Variants in CTNNA2 observed in about 807,000 individuals in gnomAD.
CTNNA2 encodes the protein catenin alpha 2, also known as catenin alpha-2.
In CTNNA2, 42 loss-of-function variants were observed where a neutral mutation model predicts 101.0. The ratio of observed to expected loss-of-function variants is 0.42; its 90% CI spans 0.32 to 0.54. The LOEUF (loss-of-function observed/expected upper bound fraction) is 0.54, where lower values mean the gene tolerates loss of function less well. CTNNA2 is among the 20% of genes least tolerant of loss of function. The pLI is 0.14. For missense variants in CTNNA2, 871 were observed against 1,223.1 expected, an observed-to-expected ratio of 0.71 and a Z score of 4.29; for synonymous variants, 450 against 456.4, an observed-to-expected ratio of 0.99 and a Z score of 0.18.
chr2:79,943,170 T>G (rs758225069), intron 7 of CTNNA2, among the ~76,000 whole-genome samples: 3 of 151,994 alleles, frequency 2.0e-5, no homozygotes, highest in Non-Finnish European at 4.4e-5. Context: ...TGAGCCGAAA[T>G]CACGCAATTG....
At chr2:79,862,492 G>A (rs1681698800) in intron 4 of CTNNA2, among the ~76,000 whole-genome samples, 2 of 152,062 alleles carry the variant, frequency 1.3e-5, no homozygotes, top group Admixed American at 1.3e-4. Context: ...GTAGTCAATT[G>A]GTATCATAAA....
At position 79,715,185 on chromosome 2, in the gene CTNNA2, C is replaced by A. The variant is rs547757425; in HGVS notation, c.103-29202C>A. On this transcript the variant is annotated intron_variant, in intron 2 of 18. Transcript: ENST00000402739. ...TCATGCCATTGCACTCCAGCCTGGG[C>A]AACAAGAGCAAAATTCCGTCAAAAA... Among the ~76,000 whole-genome samples the A allele has an allele frequency of 7.6e-5, 8 of 104,612 alleles. No individual in the cohort carries two copies. The South Asian group carries it at 2.3e-3, about 30-fold the overall frequency. 68.6% of individuals were successfully genotyped at this position (104,612 alleles called of 152,430 possible).
chr2:79,629,136 C>T (rs1679519834), intron 1 of CTNNA2, among the ~76,000 whole-genome samples: 1 of 152,216 alleles, frequency 6.6e-6, no homozygotes, highest in African/African-American at 2.4e-5. Flanking sequence ...TATTGGCCCT[C>T]GTGTGGTTTC....
At chr2:80,618,109 GA>G (rs539997825) in intron 17 of CTNNA2, among the ~76,000 whole-genome samples, 26 of 151,152 alleles carry the variant, frequency 1.7e-4, no homozygotes, top group Non-Finnish European at 2.7e-4. Context: ...AATTTTCATT[GA>G]AAAAAAATAC....
At chr2:79,746,619 C>T (rs1486909910) in intron 3 of CTNNA2, among the ~76,000 whole-genome samples, 1 of 152,028 alleles carries the variant, frequency 6.6e-6, no homozygotes, top group Non-Finnish European at 1.5e-5. Context: ...TAGATCTTAC[C>T]TCCTATATAT....
At chr2:80,305,706 C>G (rs987739731) in intron 7 of CTNNA2, among the ~76,000 whole-genome samples, 1 of 152,008 alleles carries the variant, frequency 6.6e-6, no homozygotes, top group Non-Finnish European at 1.5e-5. Flanking sequence ...CCCCCACCTC[C>G]CCACACACAC....
At chr2:80,461,769 T>C (rs992136806) in intron 9 of CTNNA2, among the ~76,000 whole-genome samples, 2 of 152,160 alleles carry the variant, frequency 1.3e-5, no homozygotes, top group South Asian at 2.1e-4. Context: ...CTAGATCTTA[T>C]TGCTAGACTT....
At chr2:79,835,082 T>C (rs1679220344) in intron 3 of CTNNA2, among the ~76,000 whole-genome samples, 1 of 152,140 alleles carries the variant, frequency 6.6e-6, no homozygotes, top group Non-Finnish European at 1.5e-5. Context: ...TTGATATCTA[T>C]CAGGGCAATG....
intron 2 of CTNNA2, among the ~76,000 whole-genome samples, chr2:79,267,393 G>A (rs1385144226): frequency 6.6e-6 from 1 of 152,098 alleles, no homozygotes; most frequent in Non-Finnish European, 1.5e-5. Flanking sequence ...ATTCTCACAA[G>A]GCAGCAGGGC....
At chr2:80,156,081 G>A (rs1330481015) in intron 7 of CTNNA2, among the ~76,000 whole-genome samples, 1 of 152,162 alleles carries the variant, frequency 6.6e-6, no homozygotes. Context: ...AAGGTGATGT[G>A]GATGCTGTTG....
chr2:79,363,434 C>T (rs559330543), intron 3 of CTNNA2, among the ~76,000 whole-genome samples: 1 of 152,186 alleles, frequency 6.6e-6, no homozygotes, highest in Non-Finnish European at 1.5e-5. Flanking sequence ...TCCATAAAAC[C>T]CTCTCAGTCA....
intron 9 of CTNNA2, among the ~76,000 whole-genome samples, chr2:80,540,787 C>T (rs370542106): frequency 6.6e-5 from 10 of 152,118 alleles, no homozygotes; most frequent in African/African-American, 2.2e-4. Context: ...CTGCGCTTCC[C>T]GGTCTCAAGC....
At chr2:80,389,862 A>G (rs13401727) in intron 7 of CTNNA2, among the ~76,000 whole-genome samples, 42,698 of 152,006 alleles carry the variant, frequency 0.28, 9,983 homozygotes, top group African/African-American at 0.65. Context: ...GTTTTCAGCC[A>G]AAGACTTTGA....
intron 18 of CTNNA2, among the ~76,000 whole-genome samples, chr2:80,628,493 TTAATAAATAGTGTTGGGAAAACTGGC>T (rs2149823458): frequency 6.6e-6 from 1 of 151,484 alleles, no homozygotes; most frequent in Non-Finnish European, 1.5e-5. Context: ...ACACTATTTA[TTAATAAATAGTGTTGGGAAAACTGGC>T]TAACCATATG....
At chr2:80,391,732 G>A (rs1677536652) in intron 7 of CTNNA2, among the ~76,000 whole-genome samples, 1 of 152,214 alleles carries the variant, frequency 6.6e-6, no homozygotes, top group Admixed American at 6.5e-5. Context: ...GAAAGACAGA[G>A]CAGCACGTTA....
chr2:79,359,486 C>A (rs1050337090), intron 3 of CTNNA2, among the ~76,000 whole-genome samples: 42 of 152,098 alleles, frequency 2.8e-4, no homozygotes, highest in African/African-American at 1.0e-3. Flanking sequence ...GTTATAATGC[C>A]ATAAATGTGT....
At chr2:79,609,168 A>G (rs1472641718) in intron 1 of CTNNA2, among the ~76,000 whole-genome samples, 1 of 151,998 alleles carries the variant, frequency 6.6e-6, no homozygotes, top group East Asian at 1.9e-4. Flanking sequence ...ATTATACAAT[A>G]TTGCTGAACA....
intron 7 of CTNNA2, among the ~76,000 whole-genome samples, chr2:80,290,916 G>A (rs529774667): frequency 2.4e-4 from 36 of 152,146 alleles, no homozygotes; most frequent in African/African-American, 8.7e-4. Flanking sequence ...CTAAACTGAC[G>A]ATGTCCTCAA....
chr2:80,216,839 ATT>A (rs5832441), intron 7 of CTNNA2, among the ~76,000 whole-genome samples: 118 of 136,052 alleles, frequency 8.7e-4, no homozygotes, highest in African/African-American at 1.1e-3. Context: ...AGCTATTTCC[ATT>A]TTTTTTTTTT....
Sources: allele counts gnomAD v4.1 joint callset (sites outside exome capture counted in the v4.1 genomes callset), GRCh38; gene constraint gnomAD v4.1.1; transcripts MANE v1.5; gene names NCBI Gene and HGNC (gene_info 2026-07-23, HGNC 2026-07-21).